Variants in GALNTL6 observed in about 807,000 individuals in gnomAD.
GALNTL6 encodes the protein polypeptide N-acetylgalactosaminyltransferase like 6, also known as polypeptide N-acetylgalactosaminyltransferase-like 6.
GALNTL6 carries 46 observed loss-of-function variants against 73.7 expected under a neutral mutation model. That is an observed-to-expected ratio of 0.62 (90% CI 0.49 to 0.80). The LOEUF is 0.80. GALNTL6 is among the 30% of genes least tolerant of loss of function. The pLI is 0.00. For synonymous variants in GALNTL6, 259 were observed against 263.7 expected (o/e 0.98, Z 0.17); for missense variants, 604 against 755.0 (o/e 0.80, Z 2.34).
rs376806650 is a variant in GALNTL6 at position 171,941,982 on chromosome 4, CTATTAA to C, written c.138+127267_138+127272del. Among the ~76,000 whole-genome samples the C allele has an allele frequency of 3.5e-3, 526 of 152,258 alleles. 4 individuals carry two copies. The highest frequency in any genetic ancestry group is 0.011 in the African/African-American group (477 of 41,552). On this transcript the variant is annotated intron_variant, in intron 2 of 12. Transcript: ENST00000506823. ...ACACCTGTATCGTAACCTTTTGTAG[CTATTAA>C]TAGTTTTCATGCTCAAAGTTATTCA...
chr4:172,786,010 CA>C (rs1739630850), intron 5 of GALNTL6, among the ~76,000 whole-genome samples: 1 of 151,998 alleles, frequency 6.6e-6, no homozygotes, highest in Non-Finnish European at 1.5e-5. Flanking sequence ...ACCTCAGTTC[CA>C]CTATATCCTG....
chr4:172,264,648 G>T (rs916387358), intron 3 of GALNTL6, among the ~76,000 whole-genome samples: 1 of 138,908 alleles, frequency 7.2e-6, no homozygotes, highest in Non-Finnish European at 1.6e-5. Flanking sequence ...GTGTATATAC[G>T]TATAAGTGTG....
At chr4:171,890,230 G>T (rs1207519335) in intron 2 of GALNTL6, among the ~76,000 whole-genome samples, 1 of 151,962 alleles carries the variant, frequency 6.6e-6, no homozygotes, top group Non-Finnish European at 1.5e-5. Flanking sequence ...TCCAAGACCT[G>T]CAAAGTCAAG....
chr4:171,865,128 A>C (rs750794089), intron 2 of GALNTL6, among the ~76,000 whole-genome samples: 2 of 152,130 alleles, frequency 1.3e-5, no homozygotes, highest in Non-Finnish European at 2.9e-5. Flanking sequence ...CCTGGGCGAC[A>C]AAAGTGAAAC....
At chr4:172,353,428 A>T (rs1225942970) in intron 5 of GALNTL6, among the ~76,000 whole-genome samples, 1 of 152,168 alleles carries the variant, frequency 6.6e-6, no homozygotes, top group Non-Finnish European at 1.5e-5. Context: ...TGCAATTAAT[A>T]TTGGATTTAT....
chr4:172,307,740 G>A (rs1303303401), intron 3 of GALNTL6, among the ~76,000 whole-genome samples: 1 of 152,082 alleles, frequency 6.6e-6, no homozygotes, highest in Non-Finnish European at 1.5e-5. Context: ...CCAGTACCAT[G>A]CTGTTTTGAT....
At chr4:172,427,665 A>G (rs910998185) in intron 5 of GALNTL6, among the ~76,000 whole-genome samples, 17 of 152,310 alleles carry the variant, frequency 1.1e-4, no homozygotes, top group East Asian at 3.9e-4. Context: ...CCAACAGCCT[A>G]TTTTAAAAGA....
chr4:172,694,169 C>T (rs993596490), intron 5 of GALNTL6, among the ~76,000 whole-genome samples: 4 of 150,920 alleles, frequency 2.7e-5, no homozygotes, highest in Non-Finnish European at 4.4e-5. Context: ...GATACATGTG[C>T]AGAATGTGCA....
At chr4:171,896,387 G>T (rs1467102520) in intron 2 of GALNTL6, among the ~76,000 whole-genome samples, 1 of 152,104 alleles carries the variant, frequency 6.6e-6, no homozygotes, top group Admixed American at 6.6e-5. Context: ...GACCTACATG[G>T]TGCCTAGATT....
chr4:172,177,255 GA>G (rs1205914712), intron 2 of GALNTL6, among the ~76,000 whole-genome samples: 1 of 152,098 alleles, frequency 6.6e-6, no homozygotes, highest in Non-Finnish European at 1.5e-5. Flanking sequence ...ATGCCACTTT[GA>G]AATGAACATT....
At chr4:172,872,966 GGTGTT>G (rs1170048543) in intron 7 of GALNTL6, among the ~76,000 whole-genome samples, 1 of 152,132 alleles carries the variant, frequency 6.6e-6, no homozygotes, top group African/African-American at 2.4e-5. Flanking sequence ...TCTGTGCTCT[GGTGTT>G]GTCACCCTCA....
intron 5 of GALNTL6, among the ~76,000 whole-genome samples, chr4:172,752,211 C>G (rs1481818829): frequency 2.0e-5 from 3 of 151,952 alleles, no homozygotes; most frequent in Non-Finnish European, 4.4e-5. Flanking sequence ...ATTTTCTGTC[C>G]TGTTGTGAGA....
intron 3 of GALNTL6, among the ~76,000 whole-genome samples, chr4:172,278,660 A>G (rs542053807): frequency 2.9e-4 from 44 of 152,280 alleles, no homozygotes; most frequent in Admixed American, 2.7e-3. Flanking sequence ...AATACATTTT[A>G]AAGTTTTGCC....
At chr4:171,983,790 G>A (rs1448523764) in intron 2 of GALNTL6, among the ~76,000 whole-genome samples, 2 of 152,150 alleles carry the variant, frequency 1.3e-5, no homozygotes, top group African/African-American at 4.8e-5. Flanking sequence ...TAGCTTCTTG[G>A]CTGCCTTTGC....
At chr4:172,987,287 C>A (rs528032314) in intron 10 of GALNTL6, among the ~76,000 whole-genome samples, 1 of 152,064 alleles carries the variant, frequency 6.6e-6, no homozygotes, top group African/African-American at 2.4e-5. Context: ...GCAAACACAT[C>A]CTTATTCACA....
At chr4:172,726,864 C>T (rs1484878517) in intron 5 of GALNTL6, among the ~76,000 whole-genome samples, 4 of 152,138 alleles carry the variant, frequency 2.6e-5, no homozygotes, top group Admixed American at 2.0e-4. Flanking sequence ...ATAGTCCCTG[C>T]TTCTGTGAGC....
rs140718329 is a variant in GALNTL6, at chr4:171,866,138, C to A, written c.138+51420C>A. Among the ~76,000 whole-genome samples the A allele has an allele frequency of 2.8e-3, 430 of 152,104 alleles. 3 individuals carry two copies. The highest frequency in any genetic ancestry group is 0.014 in the Middle Eastern group (4 of 294). ...TAAATTAAATAATAACTAATAGAATCCAGCACTGAGTTAAGAAGAGGAGCA... is the reference window on the plus strand; with the variant it reads ...TAAATTAAATAATAACTAATAGAATACAGCACTGAGTTAAGAAGAGGAGCA... On this transcript the variant is annotated intron_variant, in intron 2 of 12. Transcript: ENST00000506823.
chr4:172,699,921 T>C (rs1455226787), intron 5 of GALNTL6, among the ~76,000 whole-genome samples: 1 of 152,168 alleles, frequency 6.6e-6, no homozygotes, highest in Non-Finnish European at 1.5e-5. Context: ...TGTAATAGGA[T>C]GCAAGTATCT....
chr4:172,772,572 A>T (rs899829208), intron 5 of GALNTL6, among the ~76,000 whole-genome samples: 2 of 114,302 alleles, frequency 1.7e-5, no homozygotes, highest in Non-Finnish European at 4.0e-5. Context: ...GTTTTCTTAC[A>T]GTTTCATTGG....
Sources: gnomAD v4.1 joint callset for allele counts (sites outside exome capture counted in the v4.1 genomes callset) on GRCh38, gnomAD v4.1.1 for gene constraint, MANE v1.5 for transcripts, NCBI Gene and HGNC (gene_info 2026-07-23, HGNC 2026-07-21) for gene names.